ERFL: variants seen among roughly 807,000 people sequenced by gnomAD.
ERFL encodes ETS repressor factor like.
Under a neutral mutation model 27.9 loss-of-function variants are expected in ERFL, and 8 were observed. That is an observed-to-expected ratio of 0.29 (90% CI 0.17 to 0.52). ERFL has a LOEUF of 0.52. Ranked by LOEUF, ERFL falls within the 20% of genes least tolerant of loss-of-function variation. The pLI is 0.97. For missense variants in ERFL, 294 were observed against 444.4 expected (o/e 0.66, Z 3.04); for synonymous variants, 174 against 202.8 (o/e 0.86, Z 1.21).
chr19:41,927,160 A>G (rs1354670397), intron 1 of ERFL, among the ~76,000 whole-genome samples: 1 of 152,152 alleles, frequency 6.6e-6, no homozygotes, highest in African/African-American at 2.4e-5. Context: ...GCTGTGAGAG[A>G]CAGAGACAGA....
intron 1 of ERFL, among the ~76,000 whole-genome samples, chr19:41,913,407 T>C (rs1468637329): frequency 6.6e-6 from 1 of 151,856 alleles, no homozygotes; most frequent in African/African-American, 2.4e-5. Flanking sequence ...CCCAGATTTA[T>C]CTTGTTCTAT....
chr19:41,925,988 G>A (rs1395524302), intron 1 of ERFL, among the ~76,000 whole-genome samples: 4 of 152,068 alleles, frequency 2.6e-5, no homozygotes, highest in Non-Finnish European at 4.4e-5. Flanking sequence ...GTGTGTGTGA[G>A]TGTGTGCATG....
chr19:41,915,482 C>G (rs2074795347), intron 1 of ERFL, among the ~76,000 whole-genome samples: 1 of 151,882 alleles, frequency 6.6e-6, no homozygotes, highest in African/African-American at 2.4e-5. Context: ...TTCTGTGTCC[C>G]CACGTCTCTG....
chr19:41,914,355 C>T (rs1271289396), intron 1 of ERFL, among the ~76,000 whole-genome samples: 2 of 151,320 alleles, frequency 1.3e-5, no homozygotes, highest in Non-Finnish European at 2.9e-5. Context: ...CTGTCTCTCT[C>T]CTCCACCAAG....
Position 41,908,077 on chromosome 19 carries a change from C to A in ERFL, c.*151G>T, listed in dbSNP as rs963267725. The stretch of plus-strand genomic sequence containing the variant: ...GTGGAGGGGGAAGTGAGACCCCCCC[C>A]ACTCTGGGGCTGGGGAAGGAGACTG... On this transcript the variant is annotated 3_prime_UTR_variant, in exon 6 of 6. Coordinates refer to ENST00000597630, the MANE Select transcript of ERFL (RefSeq NM_001365103.2). This position sits in a 1 kb window ranked among gnomAD's most constrained non-coding sequence, Gnocchi z 6.7. The A allele has an allele frequency of 3.9e-4, 204 of 519,732 alleles. No individual in the cohort carries two copies. Among genetic ancestry groups the A allele is most frequent in the Non-Finnish European group, 5.3e-4 (179 of 337,900 alleles). The allele number at this position is 519,732 out of a possible 1,614,324, so 32.2% of individuals were successfully genotyped here.
chr19:41,920,021 C>T (rs546408901), intron 1 of ERFL, among the ~76,000 whole-genome samples: 80 of 136,350 alleles, frequency 5.9e-4, no homozygotes, highest in East Asian at 3.0e-3. Flanking sequence ...ACAGACATGA[C>T]GCGCTCACAG....
Position 41,908,421 on chromosome 19 carries a change from G to T in ERFL, c.872C>A (p.Ser291Ter). ...TGEGLGPERP[S>*]GLAAAPRLAL... ...CAGGCGAGGGGCCGCTGCCAGGCCC[G>T]AGGGGCGCTCGGGGCCCAGGCCCTC... Residue 291 changes from serine (S) to a stop codon, truncating the protein, a stop_gained, in exon 6 of 6, where the codon TCG becomes TAG. Coordinates refer to ENST00000597630, the MANE Select transcript of ERFL (RefSeq NM_001365103.2). LOFTEE classifies it high-confidence loss of function. The surrounding 1 kb of genome is among the most constrained non-coding windows in gnomAD (Gnocchi z 6.7). 1 of 1,231,200 alleles carries T rather than the reference G, an allele frequency of 8.1e-7. No homozygotes were observed. The highest frequency in any genetic ancestry group is 1.0e-6 in the Non-Finnish European group (1 of 987,618). 76.3% of individuals were successfully genotyped at this position (1,231,200 alleles called of 1,614,324 possible).
Position 41,908,223 on chromosome 19 carries a change from C to G in ERFL, c.*5G>C. The G allele has an allele frequency of 8.1e-7, 1 of 1,231,726 alleles. No individual in the cohort carries two copies. The highest frequency in any genetic ancestry group is 1.0e-6 in the Non-Finnish European group (1 of 987,978). The allele number at this position is 1,231,726 out of a possible 1,614,324, so 76.3% of individuals were successfully genotyped here. On this transcript the variant is annotated 3_prime_UTR_variant, in exon 6 of 6. Coordinates refer to ENST00000597630, the MANE Select transcript of ERFL (RefSeq NM_001365103.2). The surrounding 1 kb of genome is among the most constrained non-coding windows in gnomAD (Gnocchi z 6.7). ...CCTCAGCAGAATCCATTGCCCCCTG[C>G]CGGCTCAGCTGCCGGTCCCCCCTTT...
At chr19:41,927,386 C>T (rs569187799) in intron 1 of ERFL, among the ~76,000 whole-genome samples, 2 of 152,238 alleles carry the variant, frequency 1.3e-5, no homozygotes, top group African/African-American at 4.8e-5. Context: ...ACCAAATATC[C>T]AGACCCCAGA....
chr19:41,909,505 G>A lies in ERFL; in HGVS notation c.303-34C>T. ...AGAGTGGTGGTGTTGGGGAGGTGCAGGGGGAGCCCTGGGGCGGGATCTGGG... is the reference window on the plus strand; with the variant it reads ...AGAGTGGTGGTGTTGGGGAGGTGCAAGGGGAGCCCTGGGGCGGGATCTGGG... On this transcript the variant is annotated intron_variant, in intron 3 of 5. Coordinates refer to ENST00000597630, the MANE Select transcript of ERFL (RefSeq NM_001365103.2). The surrounding 1 kb of genome is among the most constrained non-coding windows in gnomAD (Gnocchi z 5.2). 1 of 1,254,298 alleles carries A rather than the reference G, an allele frequency of 8.0e-7. No individual in the cohort carries two copies. Among genetic ancestry groups the A allele is most frequent in the East Asian group, 3.1e-5 (1 of 32,034 alleles). The allele number at this position is 1,254,298 out of a possible 1,614,324, so 77.7% of individuals were successfully genotyped here.
At chr19:41,926,391 C>T (rs1441260752) in intron 1 of ERFL, among the ~76,000 whole-genome samples, 2 of 152,060 alleles carry the variant, frequency 1.3e-5, no homozygotes, top group African/African-American at 4.8e-5. Context: ...CCTGGAAGTC[C>T]AGATTTGGGG....
At position 41,910,476 on chromosome 19, in the gene ERFL, A is replaced by G. The variant is rs1174989570; in HGVS notation, c.68-379T>C. Among the ~76,000 whole-genome samples, 1 of 152,042 alleles carries G rather than the reference A, an allele frequency of 6.6e-6. No individual in the cohort carries two copies. Among genetic ancestry groups the G allele is most frequent in the Non-Finnish European group, 1.5e-5 (1 of 67,960 alleles). Reference sequence around the variant, plus strand: ...CCTCTCACTGCCCCCAGCCAGCCCTAGGAGGTCTCTAGTCTCTTGTACCCT... The same window carrying G: ...CCTCTCACTGCCCCCAGCCAGCCCTGGGAGGTCTCTAGTCTCTTGTACCCT... On this transcript the variant is annotated intron_variant, in intron 2 of 5. Transcript: ENST00000597630. The surrounding 1 kb of genome is among the most constrained non-coding windows in gnomAD (Gnocchi z 4.4).
rs2074729195 is a variant in ERFL at position 41,908,208 on chromosome 19, A to G, written c.*20T>C. 8.1e-7 allele frequency: 1 copy of G among 1,231,572 alleles called. No individual in the cohort carries two copies. The highest frequency in any genetic ancestry group is 1.0e-6 in the Non-Finnish European group (1 of 987,884). The allele number at this position is 1,231,572 out of a possible 1,614,324, so 76.3% of individuals were successfully genotyped here. A position where few individuals can be genotyped will look rare whatever the true frequency, so the allele number is the denominator to read the frequency against. On this transcript the variant is annotated 3_prime_UTR_variant, in exon 6 of 6. Transcript: ENST00000597630. The surrounding 1 kb of genome is among the most constrained non-coding windows in gnomAD (Gnocchi z 6.7). ...CCACCCTGGTCCCTGCCTCAGCAGAATCCATTGCCCCCTGCCGGCTCAGCT... is the reference window on the plus strand; with the variant it reads ...CCACCCTGGTCCCTGCCTCAGCAGAGTCCATTGCCCCCTGCCGGCTCAGCT...
rs1555851933 is a variant in ERFL, at chr19:41,916,074, A to ATG, written c.-13-3144_-13-3143dup. On this transcript the variant is annotated intron_variant, in intron 1 of 5. Transcript: ENST00000597630. This position sits in a 1 kb window ranked among gnomAD's most constrained non-coding sequence, Gnocchi z 5.4. The stretch of plus-strand genomic sequence containing the variant: ...GCCATGGCACCGAATGTGTGTGCGC[A>ATG]TGTGAGCGAAGCGGTGTGCAGAGGC... Among the ~76,000 whole-genome samples, 1 of 150,232 alleles carries ATG rather than the reference A, an allele frequency of 6.7e-6. No individual in the cohort carries two copies.
chr19:41,909,319 A>G lies in ERFL; in HGVS notation c.455T>C (p.Phe152Ser), dbSNP rs1238306370. 5.7e-6 allele frequency: 7 copies of G among 1,234,882 alleles called. No individual in the cohort carries two copies. In the African/African-American group the frequency reaches 6.2e-5, roughly 11 times the overall value. 76.5% of individuals were successfully genotyped at this position (1,234,882 alleles called of 1,614,324 possible). ...AGCATCTGGCCCTGGGGCCCCCCCA[A>G]AGGGACTGGGGGTCAGCAAGAGTGG... ...GSPLLLTPSPFGGAPGPDAPP... is the reference protein window; with the variant it reads ...GSPLLLTPSPSGGAPGPDAPP... Residue 152 changes from phenylalanine (F) to serine (S), a missense_variant, in exon 4 of 6, where the codon TTT becomes TCT. Coordinates refer to ENST00000597630, the MANE Select transcript of ERFL (RefSeq NM_001365103.2). This position sits in a 1 kb window ranked among gnomAD's most constrained non-coding sequence, Gnocchi z 5.2.
intron 1 of ERFL, among the ~76,000 whole-genome samples, chr19:41,920,763 G>A (rs566520901): frequency 7.2e-5 from 11 of 152,258 alleles, no homozygotes; most frequent in South Asian, 2.1e-4. Flanking sequence ...AGGACACACA[G>A]AGGGACAGAA....
At chr19:41,911,211 C>G (rs2074749584) in intron 2 of ERFL, among the ~76,000 whole-genome samples, 1 of 152,160 alleles carries the variant, frequency 6.6e-6, no homozygotes, top group Admixed American at 6.5e-5. Flanking sequence ...CACATACCCC[C>G]AGGAGCTGGG....
chr19:41,926,429 G>A (rs1222878647), intron 1 of ERFL, among the ~76,000 whole-genome samples: 1 of 152,134 alleles, frequency 6.6e-6, no homozygotes, highest in African/African-American at 2.4e-5. Context: ...GGATGTGACA[G>A]GTGCATTGAT....
At chr19:41,923,302 G>A in intron 1 of ERFL, 1 of 389,546 alleles carries the variant, frequency 2.6e-6, no homozygotes, top group Non-Finnish European at 5.1e-6. Context: ...AGACAGAAAA[G>A]GAGGAAAGAG....
Sources: gnomAD v4.1 joint callset for allele counts (sites outside exome capture counted in the v4.1 genomes callset) on GRCh38, gnomAD v4.1.1 for gene constraint, Gnocchi (gnomAD v3.1) non-coding constraint, MANE v1.5 for transcripts, NCBI Gene and HGNC (gene_info 2026-07-23, HGNC 2026-07-21) for gene names.